Variants in IGF1R observed in about 807,000 individuals in gnomAD.
The protein encoded by IGF1R is insulin like growth factor 1 receptor.
A neutral mutation model predicts 144.6 loss-of-function variants in IGF1R; 44 were observed. The ratio of observed to expected loss-of-function variants is 0.30; its 90% CI spans 0.24 to 0.39. The LOEUF (loss-of-function observed/expected upper bound fraction) is 0.39. Ranked by LOEUF, IGF1R falls within the 10% of genes least tolerant of loss-of-function variation. The pLI is 1.00. For missense variants in IGF1R, 1,355 were observed against 1,833.7 expected (o/e 0.74, Z 4.77); for synonymous variants, 795 against 722.8 (o/e 1.10, Z -1.60).
chr15:98,848,772 T>G (rs1163857097), intron 2 of IGF1R, among the ~76,000 whole-genome samples: 2 of 152,214 alleles, frequency 1.3e-5, no homozygotes, highest in Non-Finnish European at 2.9e-5. Flanking sequence ...ATAGAACATC[T>G]TCTGCCAGAA....
intron 2 of IGF1R, among the ~76,000 whole-genome samples, chr15:98,760,102 G>T (rs1197896312): frequency 6.6e-6 from 1 of 152,090 alleles, no homozygotes; most frequent in Non-Finnish European, 1.5e-5. Context: ...CACTTTGGGA[G>T]GCCACGGTGA....
At chr15:98,803,530 G>A (rs188837254) in intron 2 of IGF1R, among the ~76,000 whole-genome samples, 1 of 13,732 alleles carries the variant, frequency 7.3e-5, no homozygotes, top group Non-Finnish European at 5.3e-4. Context: ...TTATGAGATA[G>A]GGTCTTGCTC....
intron 4 of IGF1R, among the ~76,000 whole-genome samples, chr15:98,898,760 T>C (rs1490925938): frequency 6.6e-6 from 1 of 152,192 alleles, no homozygotes; most frequent in Non-Finnish European, 1.5e-5. Flanking sequence ...GAACTGAAAA[T>C]TGGTTTTTGT....
intron 8 of IGF1R, among the ~76,000 whole-genome samples, chr15:98,914,188 T>TC (rs763437141): frequency 6.6e-6 from 1 of 152,192 alleles, no homozygotes; most frequent in Non-Finnish European, 1.5e-5. Flanking sequence ...AGGGCTTCAC[T>TC]CCCATGACCC....
chr15:98,809,247 T>A (rs1439798888), intron 2 of IGF1R, among the ~76,000 whole-genome samples: 1 of 152,216 alleles, frequency 6.6e-6, no homozygotes. Context: ...GCTGTCTGGC[T>A]AGCAGTACTT....
chr15:98,888,369 G>A lies in IGF1R; in HGVS notation c.641-2956G>A, dbSNP rs987739008. Among the ~76,000 whole-genome samples, 6 of 152,150 alleles carry A rather than the reference G, an allele frequency of 3.9e-5. No individual in the cohort carries two copies. In the East Asian group the frequency reaches 7.7e-4, roughly 20 times the overall value. On this transcript the variant is annotated intron_variant, in intron 2 of 20. Coordinates refer to ENST00000650285, the MANE Select transcript of IGF1R (RefSeq NM_000875.5). ...TTCTTTAGATCTTGGACCTTGAGGT[G>A]ACCTCTGTAATGGATATATTTGAAA...
chr15:98,917,044 G>A (rs2015286039), intron 10 of IGF1R, 168 bp downstream of exon 10: 12 of 706,872 alleles, frequency 1.7e-5, no homozygotes, highest in East Asian at 8.2e-5. Context: ...GAGTCCCTGC[G>A]GAAGCCAGTC....
At chr15:98,657,091 C>T (rs567064686) in intron 1 of IGF1R, among the ~76,000 whole-genome samples, 5 of 152,250 alleles carry the variant, frequency 3.3e-5, no homozygotes, top group East Asian at 1.9e-4. Context: ...AAAATATAGT[C>T]GTGGTTAGTC....
chr15:98,891,729 G>C lies in IGF1R; in HGVS notation c.953+92G>C. 8 of 1,299,576 alleles carry C rather than the reference G, an allele frequency of 6.2e-6. No homozygotes were observed. Among genetic ancestry groups the C allele is most frequent in the Non-Finnish European group, 8.6e-6 (8 of 927,636 alleles). The allele number at this position is 1,299,576 out of a possible 1,614,324, so 80.5% of individuals were successfully genotyped here. A position where few individuals can be genotyped will look rare whatever the true frequency, so the allele number is the denominator to read the frequency against. On this transcript the variant is annotated intron_variant, in intron 3 of 20. Coordinates refer to ENST00000650285, the MANE Select transcript of IGF1R (RefSeq NM_000875.5). The surrounding 1 kb of genome is among the most constrained non-coding windows in gnomAD (Gnocchi z 4.7). ...TAGACTCTGTCGGTTGTTTCATCCG[G>C]GTGCAGCCCTCAGGAAGTTCACTGA...
chr15:98,869,744 G>C (rs1289517852), intron 2 of IGF1R, among the ~76,000 whole-genome samples: 1 of 152,152 alleles, frequency 6.6e-6, no homozygotes, highest in African/African-American at 2.4e-5. Context: ...TGAGATTCTT[G>C]TAAGCCAAGG....
At position 98,957,767 on chromosome 15, in the gene IGF1R, CTT is replaced by C. The variant is rs2017066205; in HGVS notation, c.*327_*328del. 1.4e-5 allele frequency: 6 copies of C among 419,220 alleles called. No individual in the cohort carries two copies. Among genetic ancestry groups the C allele is most frequent in the South Asian group, 1.4e-4 (4 of 28,538 alleles). 26.0% of individuals were successfully genotyped at this position (419,220 alleles called of 1,614,324 possible). A position where few individuals can be genotyped will look rare whatever the true frequency, so the allele number is the denominator to read the frequency against. On this transcript the variant is annotated 3_prime_UTR_variant, in exon 21 of 21. Coordinates refer to ENST00000650285, the MANE Select transcript of IGF1R (RefSeq NM_000875.5). ...CTGTCCCTGTCCTTCCCTGTTCTCC[CTT>C]TCTCTCTCCTCTCTGCTTCATAACG...
chr15:98,796,203 T>C (rs1364537935), intron 2 of IGF1R, among the ~76,000 whole-genome samples: 1 of 152,054 alleles, frequency 6.6e-6, no homozygotes, highest in Non-Finnish European at 1.5e-5. Flanking sequence ...CATCACAGCA[T>C]GTGCTGGCGT....
chr15:98,907,171 A>G (rs2014773921), intron 5 of IGF1R, among the ~76,000 whole-genome samples: 1 of 152,190 alleles, frequency 6.6e-6, no homozygotes, highest in South Asian at 2.1e-4. Context: ...CCAGTCTCTG[A>G]ACTCCTTCCT....
At chr15:98,786,249 A>T (rs1178357951) in intron 2 of IGF1R, among the ~76,000 whole-genome samples, 1 of 152,214 alleles carries the variant, frequency 6.6e-6, no homozygotes. Flanking sequence ...GACACTTAGA[A>T]CAAGGTGGAG....
At chr15:98,791,309 A>C (rs2056122517) in intron 2 of IGF1R, among the ~76,000 whole-genome samples, 1 of 152,224 alleles carries the variant, frequency 6.6e-6, no homozygotes, top group African/African-American at 2.4e-5. Context: ...AAAAAGCAAC[A>C]ACTAACTTAT....
At chr15:98,909,302 C>G (rs1326507277) in intron 6 of IGF1R, among the ~76,000 whole-genome samples, 1 of 120,990 alleles carries the variant, frequency 8.3e-6, no homozygotes, top group Non-Finnish European at 1.6e-5. Flanking sequence ...CACTCTGTCA[C>G]CCAGGCTGGG....
intron 9 of IGF1R, 91 bp from the exon 10 acceptor site, chr15:98,916,581 A>G: frequency 8.8e-7 from 1 of 1,142,458 alleles, no homozygotes; most frequent in South Asian, 1.3e-5. Flanking sequence ...TATCTTCTTG[A>G]TTAAAGGTAC....
In IGF1R at chr15:98,959,388, G is replaced by T. The variant is rs990525301; in HGVS notation, c.*1946G>T. ...CCCTCGCCACCCCCCTCACCGGACCGACTGACCTGTCTTTGGAACCAGAAC... is the reference window on the plus strand; with the variant it reads ...CCCTCGCCACCCCCCTCACCGGACCTACTGACCTGTCTTTGGAACCAGAAC... On this transcript the variant is annotated 3_prime_UTR_variant, in exon 21 of 21. Transcript: ENST00000650285. 1 of 233,750 alleles carries T rather than the reference G, an allele frequency of 4.3e-6. No homozygotes were observed. The allele number at this position is 233,750 out of a possible 1,614,324, so 14.5% of individuals were successfully genotyped here.
chr15:98,715,306 T>C (rs1219222641), intron 2 of IGF1R, among the ~76,000 whole-genome samples: 1 of 152,186 alleles, frequency 6.6e-6, no homozygotes, highest in Non-Finnish European at 1.5e-5. Flanking sequence ...TTTGGCTAAT[T>C]GTCATTAGTG....
Sources: gnomAD v4.1 joint callset for allele counts (sites outside exome capture counted in the v4.1 genomes callset) on GRCh38, gnomAD v4.1.1 for gene constraint, Gnocchi (gnomAD v3.1) non-coding constraint, MANE v1.5 for transcripts, NCBI Gene and HGNC (gene_info 2026-07-23, HGNC 2026-07-21) for gene names.